The following TENM3 variants were observed in gnomAD, a reference collection of about 807,000 sequenced individuals.
TENM3 encodes the protein teneurin transmembrane protein 3.
In TENM3, 63 loss-of-function variants were observed where a neutral mutation model predicts 255.1. The observed-to-expected ratio is 0.25, with a 90% CI of 0.20 to 0.30. The LOEUF (loss-of-function observed/expected upper bound fraction) is 0.30, where lower values mean the gene tolerates loss of function less well. TENM3 is among the 10% of genes least tolerant of loss of function. The probability of loss-of-function intolerance (pLI) is 1.00; values close to 1 mark genes in which losing one functional copy is unlikely to be tolerated. For missense variants in TENM3, 2,929 were observed against 3,461.1 expected (o/e 0.85, Z 3.86); for synonymous variants, 1,306 against 1,322.3 (o/e 0.99, Z 0.27).
At chr4:182,655,785 T>C (rs1441406909) in intron 6 of TENM3, among the ~76,000 whole-genome samples, 1 of 152,164 alleles carries the variant, frequency 6.6e-6, no homozygotes, top group Non-Finnish European at 1.5e-5. Flanking sequence ...CTATTGACCA[T>C]GACAATGCAA....
At chr4:181,762,980 A>T in the TENM3 span, among the ~76,000 whole-genome samples, 1 of 152,342 alleles carries the variant, frequency 6.6e-6, no homozygotes. Context: ...CAAGGGAAAA[A>T]TTCACATAAT....
chr4:181,633,464 G>A, the TENM3 span, among the ~76,000 whole-genome samples: 3 of 152,118 alleles, frequency 2.0e-5, no homozygotes, highest in Non-Finnish European at 4.4e-5. Context: ...GGTCCCTGGA[G>A]GAGTCACACT....
At chr4:182,683,412 C>T (rs1474037439) in intron 11 of TENM3, among the ~76,000 whole-genome samples, 1 of 152,174 alleles carries the variant, frequency 6.6e-6, no homozygotes, top group Non-Finnish European at 1.5e-5. Flanking sequence ...AGGAAATGCT[C>T]ATTGCAGCAT....
the TENM3 span, chr4:181,522,776 A>ACTGGAT: frequency 1.3e-6 from 1 of 787,908 alleles, no homozygotes; most frequent in East Asian, 2.7e-5. Flanking sequence ...ATGGAGAACA[A>ACTGGAT]CTGGATCTGG....
the TENM3 span, among the ~76,000 whole-genome samples, chr4:181,886,169 C>T: frequency 4.1e-4 from 62 of 151,692 alleles, no homozygotes; most frequent in African/African-American, 1.4e-3. Flanking sequence ...TCTCCCGCCT[C>T]AGCCTCCTGA....
chr4:182,236,791 C>T lies in TENM3; in HGVS notation c.-75-87155C>T, dbSNP rs867271095. Among the ~76,000 whole-genome samples, 9 of 152,308 alleles carry T rather than the reference C, an allele frequency of 5.9e-5. No individual in the cohort carries two copies. In the East Asian group the frequency reaches 1.3e-3, roughly 23 times the overall value. On this transcript the variant is annotated intron_variant, in intron 1 of 2. Transcript: ENST00000512480. ...TTGTAAATACAGTGGTAGCAGACCCCACTGAGATTTGCTGTGTATTCTGTA... is the reference window on the plus strand; with the variant it reads ...TTGTAAATACAGTGGTAGCAGACCCTACTGAGATTTGCTGTGTATTCTGTA...
At chr4:182,147,217 G>A (rs1282146740) in intron 1 of TENM3, among the ~76,000 whole-genome samples, 1 of 152,148 alleles carries the variant, frequency 6.6e-6, no homozygotes, top group Non-Finnish European at 1.5e-5. Flanking sequence ...CGTGGCTATC[G>A]TTGTGAGTAG....
intron 3 of TENM3, among the ~76,000 whole-genome samples, chr4:182,396,047 T>A (rs1423713924): frequency 6.6e-6 from 1 of 152,252 alleles, no homozygotes; most frequent in Non-Finnish European, 1.5e-5. Flanking sequence ...TTCATTTTTT[T>A]TCTCAACCGA....
At chr4:181,913,024 A>G in the TENM3 span, among the ~76,000 whole-genome samples, 2 of 152,168 alleles carry the variant, frequency 1.3e-5, no homozygotes, top group African/African-American at 2.4e-5. Flanking sequence ...CAAGGGTCAC[A>G]TGTTTGATTT....
intron 2 of TENM3, among the ~76,000 whole-genome samples, chr4:182,327,587 A>G (rs1763495194): frequency 6.6e-6 from 1 of 152,240 alleles, no homozygotes; most frequent in African/African-American, 2.4e-5. Context: ...TTTAGGTAGC[A>G]TAATGCTGGG....
chr4:181,778,504 T>A, the TENM3 span, among the ~76,000 whole-genome samples: 1 of 152,184 alleles, frequency 6.6e-6, no homozygotes, highest in Non-Finnish European at 1.5e-5. Context: ...TTCTGGTGTT[T>A]AGGCCATGCA....
rs184336726 is a variant in TENM3, at chr4:182,295,331, G to A, written c.-75-28615G>A. On this transcript the variant is annotated intron_variant, in intron 1 of 27. Transcript: ENST00000511685. The stretch of plus-strand genomic sequence containing the variant: ...CTCCCAGACTGGAGTGCAGTGATGC[G>A]ATCTCGGCTCACTGCAACCCCTGCC... Among the ~76,000 whole-genome samples, 575 of 138,914 alleles carry A rather than the reference G, an allele frequency of 4.1e-3. 3 individuals carry two copies. The highest frequency in any genetic ancestry group is 0.016 in the African/African-American group (554 of 35,680). The allele number at this position is 138,914 out of a possible 152,430, so 91.1% of individuals were successfully genotyped here.
chr4:182,371,234 C>CACACACAT (rs1235501172), intron 3 of TENM3, among the ~76,000 whole-genome samples: 4 of 144,446 alleles, frequency 2.8e-5, no homozygotes, highest in Non-Finnish European at 6.0e-5. Context: ...CCCCATCACA[C>CACACACAT]ACACACACAC....
intron 5 of TENM3, among the ~76,000 whole-genome samples, chr4:182,652,196 A>G (rs1340485438): frequency 6.6e-6 from 1 of 152,212 alleles, no homozygotes; most frequent in Non-Finnish European, 1.5e-5. Context: ...CTGTATCCTT[A>G]TACAAAGTTA....
chr4:182,717,571 G>A (rs1759308979), intron 13 of TENM3, among the ~76,000 whole-genome samples: 1 of 152,124 alleles, frequency 6.6e-6, no homozygotes, highest in African/African-American at 2.4e-5. Context: ...AGAGGCTTTG[G>A]GAGCAGATCC....
At chr4:181,458,756 T>C in the TENM3 span, among the ~76,000 whole-genome samples, 1 of 152,108 alleles carries the variant, frequency 6.6e-6, no homozygotes, top group Admixed American at 6.6e-5. Flanking sequence ...TACTGAGTAT[T>C]ATTTCATCAA....
At chr4:181,768,750 A>T in the TENM3 span, among the ~76,000 whole-genome samples, 1 of 152,202 alleles carries the variant, frequency 6.6e-6, no homozygotes, top group Non-Finnish European at 1.5e-5. Flanking sequence ...CAAATGATTT[A>T]TTATGATGTG....
intron 1 of TENM3, among the ~76,000 whole-genome samples, chr4:182,193,087 G>A (rs1194137986): frequency 6.6e-6 from 1 of 152,124 alleles, no homozygotes; most frequent in Non-Finnish European, 1.5e-5. Flanking sequence ...GGTAAGCATT[G>A]TGTATTCCCA....
intron 1 of TENM3, among the ~76,000 whole-genome samples, chr4:182,209,024 G>A (rs1351092936): frequency 2.7e-5 from 4 of 149,144 alleles, no homozygotes; most frequent in Admixed American, 1.3e-4. Context: ...GCTGGAGTGC[G>A]GTGGCACAGT....
Sources: gnomAD v4.1 joint callset for allele counts (sites outside exome capture counted in the v4.1 genomes callset) on GRCh38, gnomAD v4.1.1 for gene constraint, MANE v1.5 for transcripts, NCBI Gene and HGNC (gene_info 2026-07-23, HGNC 2026-07-21) for gene names.